Variants in TGFA observed in about 807,000 individuals in gnomAD.
The protein encoded by TGFA is protransforming growth factor alpha.
A neutral mutation model predicts 21.7 loss-of-function variants in TGFA; 12 were observed. The ratio of observed to expected loss-of-function variants is 0.55; its 90% CI spans 0.35 to 0.90. TGFA has a LOEUF of 0.90. Ranked by LOEUF, TGFA falls within the 40% of genes least tolerant of loss-of-function variation. The pLI is 0.01. For synonymous variants in TGFA, 79 were observed against 88.1 expected, an observed-to-expected ratio of 0.90 and a Z score of 0.58; for missense variants, 178 against 210.8, an observed-to-expected ratio of 0.84 and a Z score of 0.96.
Position 70,456,346 on chromosome 2 carries a change from G to A in TGFA, c.358C>T (p.Leu120=). The change falls in exon 4 of 6, where the codon CTG becomes TTG. Residue 120 remains leucine (L), a synonymous_variant. Coordinates refer to ENST00000295400, the MANE Select transcript of TGFA (RefSeq NM_003236.4). Reference sequence around the variant, plus strand: ...GGGGCAGCAAGTACTCACTGTATCAGCACACATGTGATGATAAGGACAGCC... The same window carrying A: ...GGGGCAGCAAGTACTCACTGTATCAACACACATGTGATGATAAGGACAGCC... The part of the protein sequence containing the change: ...ALAVLIITCV[L]IHCCQVRKHC... 1 of 1,557,156 alleles carries A rather than the reference G, an allele frequency of 6.4e-7. No homozygotes were observed. Among genetic ancestry groups the A allele is most frequent in the Non-Finnish European group, 8.7e-7 (1 of 1,149,926 alleles).
chr2:70,521,617 G>GTTTTTTT lies in TGFA; in HGVS notation c.41-6712_41-6706dup, dbSNP rs35177436. On this transcript the variant is annotated intron_variant, in intron 1 of 5. Coordinates refer to ENST00000295400, the MANE Select transcript of TGFA (RefSeq NM_003236.4). ...TAGTTTTTTTTGTTGTTGTTTGTTT[G>GTTTTTTT]TTTTTTTTTTTTTTTTTTTTTGAGT... 1.1e-3 allele frequency among the ~76,000 whole-genome samples: 100 copies of GTTTTTTT among 87,080 alleles called. 1 individual carries two copies. Among genetic ancestry groups the GTTTTTTT allele is most frequent in the Non-Finnish European group, 1.3e-3 (63 of 48,592 alleles). The allele number at this position is 87,080 out of a possible 152,430, so 57.1% of individuals were successfully genotyped here. A position where few individuals can be genotyped will look rare whatever the true frequency, so the allele number is the denominator to read the frequency against.
intron 2 of TGFA, among the ~76,000 whole-genome samples, chr2:70,491,284 A>G (rs1334896387): frequency 2.6e-5 from 4 of 152,240 alleles, no homozygotes; most frequent in Non-Finnish European, 5.9e-5. Flanking sequence ...CTCCCAGGAC[A>G]AACCCATGTT....
At chr2:70,480,163 G>GT (rs1235911833) in intron 2 of TGFA, among the ~76,000 whole-genome samples, 1 of 152,236 alleles carries the variant, frequency 6.6e-6, no homozygotes, top group Non-Finnish European at 1.5e-5. Flanking sequence ...ACACCAAAGA[G>GT]TTTTCTCTTT....
intron 1 of TGFA, among the ~76,000 whole-genome samples, chr2:70,521,548 T>C (rs1227032919): frequency 6.6e-6 from 1 of 150,832 alleles, no homozygotes; most frequent in Non-Finnish European, 1.5e-5. Flanking sequence ...GTATATTGAG[T>C]GACACACAAT....
chr2:70,457,183 C>A (rs1670259239), intron 3 of TGFA, among the ~76,000 whole-genome samples: 1 of 152,186 alleles, frequency 6.6e-6, no homozygotes, highest in Admixed American at 6.5e-5. Context: ...TGCTACCATT[C>A]AGAGTCAGTC....
At chr2:70,511,647 G>A (rs1171062315) in intron 2 of TGFA, among the ~76,000 whole-genome samples, 2 of 152,122 alleles carry the variant, frequency 1.3e-5, no homozygotes, top group South Asian at 4.1e-4. Context: ...CGTTTTAAAA[G>A]GCTTTATCTG....
Position 70,453,345 on chromosome 2 carries a change from AC to A in TGFA, c.366-19del. On this transcript the variant is annotated intron_variant, in intron 4 of 5. Transcript: ENST00000295400. ...GGCAGCAGCTGCAAAGACACAGAGGACCCAGTCTGGGCAGGAGCCTGGTAGG... is the reference window on the plus strand; with the variant it reads ...GGCAGCAGCTGCAAAGACACAGAGGACCAGTCTGGGCAGGAGCCTGGTAGG... 1 of 1,610,710 alleles carries A rather than the reference AC, an allele frequency of 6.2e-7. No individual in the cohort carries two copies.
Position 70,465,712 on chromosome 2 carries a change from A to G in TGFA, c.119T>C (p.Val40Ala), listed in dbSNP as rs782683659. The G allele has an allele frequency of 2.6e-5, 42 of 1,614,028 alleles. No individual in the cohort carries two copies. The change falls in exon 3 of 6, where the codon GTG becomes GCG. Residue 40 changes from valine (V) to alanine (A), a missense_variant. Physicochemically the swap from Val to Ala is moderately conservative, Grantham distance 64. Coordinates refer to ENST00000295400, the MANE Select transcript of TGFA (RefSeq NM_003236.4). ...TGGGCAGTCATTAAAATGGGACACC[A>G]CTGCTGCAGCCACGGGCGGGTCTGC... ...LSADPPVAAA[V>A]VSHFNDCPDS...
At chr2:70,546,868 A>G (rs1553505994) in intron 1 of TGFA, among the ~76,000 whole-genome samples, 1 of 152,142 alleles carries the variant, frequency 6.6e-6, no homozygotes, top group African/African-American at 2.4e-5. Context: ...AAACCTTTTA[A>G]TAGCTAAATC....
chr2:70,542,145 C>T (rs564842452), intron 1 of TGFA, among the ~76,000 whole-genome samples: 1 of 152,202 alleles, frequency 6.6e-6, no homozygotes, highest in African/African-American at 2.4e-5. Flanking sequence ...GTCAACCCCC[C>T]CAAAAAATAT....
intron 2 of TGFA, among the ~76,000 whole-genome samples, chr2:70,510,552 A>G (rs1181171681): frequency 2.0e-5 from 3 of 152,066 alleles, no homozygotes; most frequent in Non-Finnish European, 2.9e-5. Flanking sequence ...GTGACTGGAC[A>G]AAAAAACTCA....
chr2:70,536,256 A>G (rs1401698144), intron 1 of TGFA, among the ~76,000 whole-genome samples: 2 of 152,228 alleles, frequency 1.3e-5, no homozygotes, highest in African/African-American at 4.8e-5. Flanking sequence ...CCATGAGGCA[A>G]AAACTAATAG....
chr2:70,473,633 T>C (rs1670824562), intron 2 of TGFA, among the ~76,000 whole-genome samples: 1 of 151,578 alleles, frequency 6.6e-6, no homozygotes, highest in South Asian at 2.1e-4. Flanking sequence ...AGGAAATTGA[T>C]CTCAAGTGTT....
chr2:70,459,128 G>A (rs1007676581), intron 3 of TGFA, among the ~76,000 whole-genome samples: 1 of 152,150 alleles, frequency 6.6e-6, no homozygotes, highest in Non-Finnish European at 1.5e-5. Context: ...AGCTTGAAAC[G>A]TTTCTACTTC....
At chr2:70,470,956 AT>A (rs1427102820) in intron 2 of TGFA, among the ~76,000 whole-genome samples, 1 of 152,218 alleles carries the variant, frequency 6.6e-6, no homozygotes, top group Non-Finnish European at 1.5e-5. Context: ...TTTTTAGGAA[AT>A]TAAAATAAAT....
At chr2:70,509,263 A>T (rs546812501) in intron 2 of TGFA, among the ~76,000 whole-genome samples, 7 of 152,216 alleles carry the variant, frequency 4.6e-5, no homozygotes, top group Admixed American at 4.6e-4. Flanking sequence ...AGCAGTTTGC[A>T]GTTCTGAAAA....
intron 1 of TGFA, among the ~76,000 whole-genome samples, chr2:70,544,046 C>T (rs1332372674): frequency 6.6e-6 from 1 of 152,004 alleles, no homozygotes; most frequent in Non-Finnish European, 1.5e-5. Flanking sequence ...ATTATTGCCT[C>T]CTGCTTTAAA....
intron 2 of TGFA, among the ~76,000 whole-genome samples, chr2:70,477,717 G>C (rs1670981168): frequency 6.6e-6 from 1 of 152,136 alleles, no homozygotes; most frequent in Non-Finnish European, 1.5e-5. Context: ...TGATTAGAGA[G>C]GCTCCTGCAG....
chr2:70,516,900 C>T (rs1672297629), intron 1 of TGFA, among the ~76,000 whole-genome samples: 5 of 152,198 alleles, frequency 3.3e-5, no homozygotes, highest in Admixed American at 3.3e-4. Context: ...ATCTTCATGC[C>T]CTGTTCCTGC....
Sources: gnomAD v4.1 joint callset for allele counts (sites outside exome capture counted in the v4.1 genomes callset) on GRCh38, gnomAD v4.1.1 for gene constraint, MANE v1.5 for transcripts, NCBI Gene and HGNC (gene_info 2026-07-23, HGNC 2026-07-21) for gene names.